Variants in SIN3B observed in about 807,000 individuals in gnomAD.
SIN3B encodes SIN3 transcription regulator family member B.
SIN3B carries 19 observed loss-of-function variants against 120.2 expected under a neutral mutation model. The observed-to-expected ratio is 0.16, with a 90% CI of 0.11 to 0.23. The LOEUF is 0.23. SIN3B is among the 10% of genes least tolerant of loss of function. The pLI, the probability that SIN3B is intolerant of heterozygous loss-of-function variation, is 1.00. For synonymous variants in SIN3B, 654 were observed against 653.2 expected (o/e 1.00, Z -0.02); for missense variants, 1,073 against 1,573.0 (o/e 0.68, Z 5.38).
At chr19:16,834,060 G>A (rs1971314322) in intron 3 of SIN3B, among the ~76,000 whole-genome samples, 1 of 152,038 alleles carries the variant, frequency 6.6e-6, no homozygotes, top group Non-Finnish European at 1.5e-5. Context: ...GGAAGCGTGT[G>A]GCCACTGAAC....
rs906371015 is a variant in SIN3B at position 16,865,313 on chromosome 19, C to CA, written c.1384-97_1384-96insA. ...TATCTCTTAAATACACACACCCCCC[C>CA]CCCAAAAAAATCCTCTGGTCTCTGA... On this transcript the variant is annotated intron_variant, in intron 10 of 18. Coordinates refer to ENST00000248054, the MANE Select transcript of SIN3B (RefSeq NM_001297595.2). The CA allele has an allele frequency of 1.8e-5, 10 of 556,694 alleles. 1 individual carries two copies. Among genetic ancestry groups the CA allele is most frequent in the Middle Eastern group, 5.6e-4 (1 of 1,790 alleles). The allele number at this position is 556,694 out of a possible 1,614,324, so 34.5% of individuals were successfully genotyped here.
At chr19:16,871,110 C>T in intron 13 of SIN3B, 119 bp from the exon 14 acceptor site, 3 of 1,234,486 alleles carry the variant, frequency 2.4e-6, no homozygotes, top group Non-Finnish European at 3.5e-6. Flanking sequence ...CCAGGGGTGG[C>T]AGGTGAGGGC....
chr19:16,829,418 G>T lies in SIN3B; in HGVS notation c.-3G>T. The T allele has an allele frequency of 8.3e-7, 1 of 1,204,772 alleles. No individual in the cohort carries two copies. The highest frequency in any genetic ancestry group is 1.0e-6 in the Non-Finnish European group (1 of 970,364). The allele number at this position is 1,204,772 out of a possible 1,614,324, so 74.6% of individuals were successfully genotyped here. A position where few individuals can be genotyped will look rare whatever the true frequency, so the allele number is the denominator to read the frequency against. On this transcript the variant is annotated 5_prime_UTR_variant, in exon 1 of 19. Transcript: ENST00000248054. The stretch of plus-strand genomic sequence containing the variant: ...GGGGCGGGGCGCAGCTCCGACTTCG[G>T]ACATGGCGCACGCTGGCGGTGGCAG...
At chr19:16,871,497 A>C in intron 14 of SIN3B, 99 bp downstream of exon 14, 1 of 1,123,520 alleles carries the variant, frequency 8.9e-7, no homozygotes, top group Non-Finnish European at 1.3e-6. Flanking sequence ...TCAGCACAGC[A>C]AACCTATCCT....
In SIN3B at chr19:16,878,966, C is replaced by T. The variant is rs906040504; in HGVS notation, c.*239C>T. Reference sequence around the variant, plus strand: ...CTGGGGCTCAGCCCCACCACAGGGGCGGGTGGACGTGCTGGCCGAGGAACA... The same window carrying T: ...CTGGGGCTCAGCCCCACCACAGGGGTGGGTGGACGTGCTGGCCGAGGAACA... On this transcript the variant is annotated 3_prime_UTR_variant, in exon 19 of 19. Coordinates refer to ENST00000248054, the MANE Select transcript of SIN3B (RefSeq NM_001297595.2). 3 of 546,172 alleles carry T rather than the reference C, an allele frequency of 5.5e-6. No individual in the cohort carries two copies. In the African/African-American group the frequency reaches 5.8e-5, roughly 11 times the overall value. 33.8% of individuals were successfully genotyped at this position (546,172 alleles called of 1,614,324 possible). A position where few individuals can be genotyped will look rare whatever the true frequency, so the allele number is the denominator to read the frequency against.
Position 16,862,541 on chromosome 19 carries a change from G to A in SIN3B, c.1248G>A (p.Arg416=), listed in dbSNP as rs375744096. 23 of 1,613,626 alleles carry A rather than the reference G, an allele frequency of 1.4e-5. No homozygotes were observed. The highest frequency in any genetic ancestry group is 1.1e-4 in the African/African-American group (8 of 75,042). ...ACCAGCAGCCCAAGTGCAGTGGGAG[G>A]ACAGCCATCTGCAAGGAGGTAGCGC... ...KTYQQPKCSG[R]TAICKEVLND... The change falls in exon 9 of 19, where the codon AGG becomes AGA. Residue 416 remains arginine (R), a synonymous_variant. Coordinates refer to ENST00000248054, the MANE Select transcript of SIN3B (RefSeq NM_001297595.2). This position sits in a 1 kb window ranked among gnomAD's most constrained non-coding sequence, Gnocchi z 4.7.
chr19:16,851,505 C>G lies in SIN3B; in HGVS notation c.820C>G (p.Leu274Val). ...CAGCAGGAAGCGCTCCCGGCCCTCG[C>G]TCCTCCGCCCCGTGTCTGCACCCGC... ...EHSRKRSRPS[L>V]LRPVSAPAKK... Residue 274 changes from leucine (L) to valine (V), a missense_variant, in exon 6 of 19, where the codon CTC becomes GTC. Transcript: ENST00000248054. 6.2e-7 allele frequency: 1 copy of G among 1,606,788 alleles called. No homozygotes were observed. The highest frequency in any genetic ancestry group is 8.5e-7 in the Non-Finnish European group (1 of 1,176,874).
At chr19:16,841,523 G>A (rs537816316) in intron 3 of SIN3B, among the ~76,000 whole-genome samples, 10 of 152,150 alleles carry the variant, frequency 6.6e-5, no homozygotes, top group African/African-American at 1.2e-4. Flanking sequence ...CAAGGTGCTC[G>A]TTGAACTTGT....
At chr19:16,863,414 C>T in intron 9 of SIN3B, 1 of 540,628 alleles carries the variant, frequency 1.8e-6, no homozygotes. Flanking sequence ...AATAGGATTC[C>T]ATTGGACATC....
Position 16,841,965 on chromosome 19 carries a change from C to A in SIN3B, c.579C>A (p.Tyr193Ter). The A allele has an allele frequency of 6.2e-7, 1 of 1,612,696 alleles. No individual in the cohort carries two copies. Among genetic ancestry groups the A allele is most frequent in the Non-Finnish European group, 8.5e-7 (1 of 1,178,926 alleles). The change falls in exon 4 of 19, where the codon TAC (tyrosine) becomes TAA (stop). Residue 193 changes from tyrosine (Y) to a stop codon, truncating the protein, a stop_gained. Transcript: ENST00000248054. LOFTEE classifies it high-confidence loss of function. ...YRSFLEILHT[Y>*]QKEQLNTRGR... Reference sequence around the variant, plus strand: ...CATTCCTGGAGATCCTGCACACGTACCAGGTAAGAACTCAGATTACAATTC... The same window carrying A: ...CATTCCTGGAGATCCTGCACACGTAACAGGTAAGAACTCAGATTACAATTC...
intron 3 of SIN3B, among the ~76,000 whole-genome samples, chr19:16,838,034 A>G (rs1044691138): frequency 5.3e-5 from 8 of 152,092 alleles, no homozygotes; most frequent in African/African-American, 1.7e-4. Context: ...GAGGCCACCC[A>G]GGGCACGGGG....
rs1317256345 is a variant in SIN3B, at chr19:16,865,657, T to G, written c.1622+9T>G. 1 of 1,575,480 alleles carries G rather than the reference T, an allele frequency of 6.3e-7. No individual in the cohort carries two copies. The highest frequency in any genetic ancestry group is 8.7e-7 in the Non-Finnish European group (1 of 1,153,694). Reference sequence around the variant, plus strand: ...CCCGTTGTCCTGAAAAGGTGCCCTGTGGCGTCCCGACTTCCCTTCCCCTTC... The same window carrying G: ...CCCGTTGTCCTGAAAAGGTGCCCTGGGGCGTCCCGACTTCCCTTCCCCTTC... On this transcript the variant is annotated intron_variant, in intron 11 of 18. Transcript: ENST00000248054.
intron 3 of SIN3B, among the ~76,000 whole-genome samples, chr19:16,838,911 AT>A (rs1971381664): frequency 7.1e-6 from 1 of 141,662 alleles, no homozygotes; most frequent in Non-Finnish European, 1.5e-5. Context: ...TGACCTCGTG[AT>A]CCGCCATCCT....
chr19:16,837,837 T>C (rs191856976), intron 3 of SIN3B, among the ~76,000 whole-genome samples: 76 of 152,002 alleles, frequency 5.0e-4, no homozygotes, highest in Non-Finnish European at 9.6e-4. Context: ...TGGGTAAAAG[T>C]GTGGGCCCCT....
At chr19:16,849,114 C>G (rs1451593060) in intron 5 of SIN3B, among the ~76,000 whole-genome samples, 5 of 152,188 alleles carry the variant, frequency 3.3e-5, no homozygotes, top group African/African-American at 1.2e-4. Flanking sequence ...TTATTAAAAG[C>G]ACTGCATCTG....
chr19:16,878,116 C>G (rs980703431), intron 17 of SIN3B, 67 bp from the exon 18 acceptor site: 4 of 1,371,222 alleles, frequency 2.9e-6, no homozygotes, highest in Non-Finnish European at 3.9e-6. Context: ...TGGGGGTTTC[C>G]CAGCCTGCAA....
chr19:16,831,987 G>C (rs752792002), intron 3 of SIN3B, among the ~76,000 whole-genome samples: 51 of 152,126 alleles, frequency 3.4e-4, no homozygotes, highest in Middle Eastern at 3.2e-3. Context: ...ATACCAGGCA[G>C]GCTTGCCCTT....
rs747403136 is a variant in SIN3B, at chr19:16,869,525, C to T, written c.1872C>T (p.Tyr624=). The change falls in exon 13 of 19, where the codon TAC becomes TAT. Residue 624 remains tyrosine, a synonymous_variant. Transcript: ENST00000248054. ...GCGAGCCGCACCTCATCTTTGTGTA[C>T]GAGGACCGGCAGATCCTGGAGGACG... The part of the protein sequence containing the change: ...PSSEPHLIFV[Y]EDRQILEDAA... The T allele has an allele frequency of 1.2e-5, 19 of 1,613,778 alleles. No homozygotes were observed. Among genetic ancestry groups the T allele is most frequent in the Admixed American group, 5.0e-5 (3 of 60,006 alleles).
chr19:16,835,884 T>A (rs1253281451), intron 3 of SIN3B, among the ~76,000 whole-genome samples: 1 of 152,182 alleles, frequency 6.6e-6, no homozygotes, highest in African/African-American at 2.4e-5. Context: ...CAAGTGATCC[T>A]CCTGCCTTGG....
Sources: allele counts gnomAD v4.1 joint callset (sites outside exome capture counted in the v4.1 genomes callset), GRCh38; gene constraint gnomAD v4.1.1; non-coding constraint Gnocchi (gnomAD v3.1); transcripts MANE v1.5; gene names NCBI Gene and HGNC (gene_info 2026-07-23, HGNC 2026-07-21).